Variants in SEPTIN7 observed in about 807,000 individuals in gnomAD.
The protein encoded by SEPTIN7 is septin-7.
SEPTIN7 carries 10 observed loss-of-function variants against 63.3 expected under a neutral mutation model. The ratio of observed to expected loss-of-function variants is 0.16; its 90% CI spans 0.10 to 0.27. The LOEUF is 0.27. SEPTIN7 is among the 10% of genes least tolerant of loss of function. The probability of loss-of-function intolerance (pLI) is 1.00; values close to 1 mark genes in which losing one functional copy is unlikely to be tolerated. For synonymous variants in SEPTIN7, 131 were observed against 165.3 expected, an observed-to-expected ratio of 0.79 and a Z score of 1.59; for missense variants, 310 against 521.0, an observed-to-expected ratio of 0.59 and a Z score of 3.94.
At chr7:35,857,667 C>T (rs757485171) in intron 3 of SEPTIN7, among the ~76,000 whole-genome samples, 8 of 151,830 alleles carry the variant, frequency 5.3e-5, no homozygotes, top group South Asian at 2.1e-4. Flanking sequence ...TTCACATAGT[C>T]AATGTTAAGA....
At chr7:35,808,077 A>G (rs1200078921) in intron 1 of SEPTIN7, among the ~76,000 whole-genome samples, 1 of 151,954 alleles carries the variant, frequency 6.6e-6, no homozygotes, top group African/African-American at 2.4e-5. Flanking sequence ...TTGGCTTCCT[A>G]AAGTGCTGGG....
chr7:35,900,289 A>G (rs995976082), intron 12 of SEPTIN7: 1 of 152,220 alleles, frequency 6.6e-6, no homozygotes, highest in African/African-American at 2.4e-5. Flanking sequence ...TAGCAGGGGT[A>G]TGGAATAATT....
chr7:35,831,422 C>T (rs564036250), intron 1 of SEPTIN7, 70 bp from the exon 2 acceptor site: 19 of 411,852 alleles, frequency 4.6e-5, no homozygotes, highest in African/African-American at 3.8e-4. Flanking sequence ...TCTTTGTTTA[C>T]TGTTCCTCTG....
intron 6 of SEPTIN7, 121 bp from the exon 7 acceptor site, chr7:35,879,702 T>G: frequency 1.5e-6 from 1 of 660,610 alleles, no homozygotes; most frequent in South Asian, 1.8e-5. Flanking sequence ...TAATACATCT[T>G]CAGAGTGTTT....
chr7:35,832,540 C>T, intron 2 of SEPTIN7: 2 of 317,210 alleles, frequency 6.3e-6, no homozygotes, highest in Non-Finnish European at 1.2e-5. Flanking sequence ...GAAATCTTTG[C>T]TCTGAGGCAG....
At chr7:35,868,557 G>A (rs140208050) in intron 4 of SEPTIN7, among the ~76,000 whole-genome samples, 31 of 152,036 alleles carry the variant, frequency 2.0e-4, no homozygotes, top group African/African-American at 6.8e-4. Context: ...GTAGCAAGAT[G>A]GCAGTGGGTT....
chr7:35,814,342 T>G (rs570946574), intron 1 of SEPTIN7, among the ~76,000 whole-genome samples: 1 of 152,336 alleles, frequency 6.6e-6, no homozygotes, highest in African/African-American at 2.4e-5. Context: ...GATAACTTAC[T>G]GTAATTTTAA....
intron 3 of SEPTIN7, among the ~76,000 whole-genome samples, chr7:35,852,229 A>G (rs755855067): frequency 3.9e-5 from 6 of 152,196 alleles, no homozygotes; most frequent in Admixed American, 6.5e-5. Context: ...TCTGCATTTC[A>G]TAGGTGAGGG....
downstream of SEPTIN7, among the ~76,000 whole-genome samples, chr7:35,911,036 C>CG (rs944339638): frequency 6.6e-6 from 1 of 152,164 alleles, no homozygotes; most frequent in African/African-American, 2.4e-5. Flanking sequence ...GAGGACCCCC[C>CG]TGGTTGCAGC....
rs143343210 is a variant in SEPTIN7 at position 35,853,129 on chromosome 7, A to G, written c.170-10423A>G. On this transcript the variant is annotated intron_variant, in intron 3 of 13. Transcript: ENST00000350320. ...TCCTTTACTTTTCCATTTGAAGCTC[A>G]TTGTGGTTAGTGCAGTAAAAGCAGT... is the stretch of plus-strand genomic sequence containing the variant. Among the ~76,000 whole-genome samples, 941 of 152,206 alleles carry G rather than the reference A, an allele frequency of 6.2e-3. 7 individuals are homozygous for G. The highest frequency in any genetic ancestry group is 0.022 in the African/African-American group (905 of 41,526).
intron 3 of SEPTIN7, among the ~76,000 whole-genome samples, chr7:35,848,287 A>C (rs192150440): frequency 1.3e-5 from 2 of 151,772 alleles, no homozygotes; most frequent in African/African-American, 4.8e-5. Flanking sequence ...TTTTTTTTTG[A>C]GATGGAGTCT....
chr7:35,904,344 G>T lies in SEPTIN7; in HGVS notation c.*51G>T. On this transcript the variant is annotated 3_prime_UTR_variant, in exon 14 of 14. Coordinates refer to ENST00000350320, the MANE Select transcript of SEPTIN7 (RefSeq NM_001788.6). Reference sequence around the variant, plus strand: ...TATTAGTTGCCAATATGCCAGCTTGGACATCAGTGTTTGTTGGATCCGTTT... The same window carrying T: ...TATTAGTTGCCAATATGCCAGCTTGTACATCAGTGTTTGTTGGATCCGTTT... 1 of 1,452,764 alleles carries T rather than the reference G, an allele frequency of 6.9e-7. No homozygotes were observed. The highest frequency in any genetic ancestry group is 9.3e-7 in the Non-Finnish European group (1 of 1,072,054). The allele number at this position is 1,452,764 out of a possible 1,614,324, so 90.0% of individuals were successfully genotyped here.
chr7:35,833,020 T>C, intron 3 of SEPTIN7, 120 bp downstream of exon 3: 1 of 638,326 alleles, frequency 1.6e-6, no homozygotes, highest in Non-Finnish European at 2.8e-6. Context: ...CTTTGTTGTA[T>C]TTTCTCTTAT....
intron 4 of SEPTIN7, among the ~76,000 whole-genome samples, chr7:35,868,555 A>T (rs1187058921): frequency 3.3e-5 from 5 of 151,898 alleles, no homozygotes; most frequent in South Asian, 4.1e-4. Flanking sequence ...TGGTAGCAAG[A>T]TGGCAGTGGG....
Position 35,854,508 on chromosome 7 carries a change from A to G in SEPTIN7, c.170-9044A>G, listed in dbSNP as rs185765999. Among the ~76,000 whole-genome samples the G allele has an allele frequency of 5.7e-3, 865 of 152,356 alleles. 13 individuals are homozygous for G. The highest frequency in any genetic ancestry group is 4.6e-3 in the Non-Finnish European group (314 of 68,032). ...TCCTTCAATGAACAAGGCACTCCTC[A>G]CAATAAAGAATTATCCAACCCAAAA... On this transcript the variant is annotated intron_variant, in intron 3 of 13. Transcript: ENST00000350320.
chr7:35,856,607 AAGC>A (rs958516892), intron 3 of SEPTIN7, among the ~76,000 whole-genome samples: 5 of 152,166 alleles, frequency 3.3e-5, no homozygotes, highest in African/African-American at 1.2e-4. Flanking sequence ...GAACCAGAAA[AAGC>A]AGACTGAGTT....
At chr7:35,860,613 A>G (rs904739229) in intron 3 of SEPTIN7, among the ~76,000 whole-genome samples, 3 of 152,200 alleles carry the variant, frequency 2.0e-5, no homozygotes, top group Non-Finnish European at 2.9e-5. Flanking sequence ...CAGTTTTGCC[A>G]GATACAGAAG....
At chr7:35,814,302 T>C (rs1032956263) in intron 1 of SEPTIN7, among the ~76,000 whole-genome samples, 2 of 152,218 alleles carry the variant, frequency 1.3e-5, no homozygotes, top group Non-Finnish European at 2.9e-5. Flanking sequence ...TCACTGCTTT[T>C]AATTTTACTC....
intron 3 of SEPTIN7, among the ~76,000 whole-genome samples, chr7:35,842,789 T>A (rs1784471764): frequency 6.6e-6 from 1 of 152,192 alleles, no homozygotes; most frequent in South Asian, 2.1e-4. Flanking sequence ...CCTAGGATAT[T>A]TGAGATGGAT....
Sources: allele counts gnomAD v4.1 joint callset (sites outside exome capture counted in the v4.1 genomes callset), GRCh38; gene constraint gnomAD v4.1.1; transcripts MANE v1.5; gene names NCBI Gene and HGNC (gene_info 2026-07-23, HGNC 2026-07-21).